HERC4: variants seen among roughly 807,000 people sequenced by gnomAD.
HERC4 encodes probable E3 ubiquitin-protein ligase HERC4.
In HERC4, 28 loss-of-function variants were observed where a neutral mutation model predicts 124.3. The ratio of observed to expected loss-of-function variants is 0.23; its 90% CI spans 0.17 to 0.31. The LOEUF (loss-of-function observed/expected upper bound fraction) is 0.31, where lower values mean the gene tolerates loss of function less well. Among genes scored for constraint, HERC4 ranks in the 10% least tolerant of loss-of-function variants. HERC4 has a pLI of 1.00. For missense variants in HERC4, 713 were observed against 1,229.3 expected, an observed-to-expected ratio of 0.58 and a Z score of 6.28; for synonymous variants, 407 against 421.5, an observed-to-expected ratio of 0.97 and a Z score of 0.42.
intron 8 of HERC4, among the ~76,000 whole-genome samples, chr10:68,021,759 G>A (rs1273544268): frequency 6.6e-6 from 1 of 152,030 alleles, no homozygotes; most frequent in Non-Finnish European, 1.5e-5. Context: ...GGTGAGCCGA[G>A]ATCACGCCAT....
intron 3 of HERC4, among the ~76,000 whole-genome samples, chr10:68,059,148 G>A (rs1419412257): frequency 6.6e-6 from 1 of 151,654 alleles, no homozygotes; most frequent in Non-Finnish European, 1.5e-5. Context: ...AAGTTAATAC[G>A]TATTACTGTG....
At chr10:68,025,100 T>C (rs1293513889) in intron 8 of HERC4, among the ~76,000 whole-genome samples, 1 of 152,122 alleles carries the variant, frequency 6.6e-6, no homozygotes, top group Admixed American at 6.6e-5. Context: ...TGGTAGTGCA[T>C]GCCTGCAGTC....
At chr10:68,011,923 T>C (rs532185016) in intron 9 of HERC4, among the ~76,000 whole-genome samples, 1 of 152,378 alleles carries the variant, frequency 6.6e-6, no homozygotes, top group South Asian at 2.1e-4. Flanking sequence ...TGAAAATCTG[T>C]TGTTTAGTAT....
rs765940116 is a variant in HERC4 at position 67,988,671 on chromosome 10, G to C, written c.1798C>G (p.Leu600Val). The C allele has an allele frequency of 6.4e-7, 1 of 1,564,904 alleles. No homozygotes were observed. The highest frequency in any genetic ancestry group is 8.7e-7 in the Non-Finnish European group (1 of 1,152,194). The change falls in exon 15 of 25, where the codon CTA becomes GTA. Residue 600 changes from leucine to valine, a missense_variant. By Grantham distance (32) the Leu-to-Val change is conservative. Coordinates refer to ENST00000373700, the MANE Select transcript of HERC4 (RefSeq NM_015601.4). ...LHTALKVLEI[L>V]HRVNEKMGQI... ...GGAATGATTGGACATACCCTATGTA[G>C]TATTTCTAAAACCTTTAATGCAGTA...
intron 15 of HERC4, among the ~76,000 whole-genome samples, chr10:67,985,969 G>A (rs1159073873): frequency 3.9e-5 from 6 of 152,198 alleles, no homozygotes; most frequent in Non-Finnish European, 8.8e-5. Flanking sequence ...CCATAGAGCA[G>A]AGGGAAGGAA....
chr10:68,059,093 C>T (rs1342936859), intron 3 of HERC4, among the ~76,000 whole-genome samples: 1 of 151,986 alleles, frequency 6.6e-6, no homozygotes, highest in African/African-American at 2.4e-5. Flanking sequence ...ACTCTCTACA[C>T]CTTGCTCATT....
chr10:68,074,630 G>C (rs749482314), intron 1 of HERC4: 3 of 152,174 alleles, frequency 2.0e-5, no homozygotes, highest in Non-Finnish European at 4.4e-5. Flanking sequence ...GACTGGGAAA[G>C]AGAAATCATC....
chr10:68,036,441 T>G (rs950226954), intron 5 of HERC4, among the ~76,000 whole-genome samples: 2 of 152,104 alleles, frequency 1.3e-5, no homozygotes, highest in African/African-American at 2.4e-5. Context: ...GAGTTTAAAT[T>G]TATGTTAGAT....
At chr10:68,024,344 A>T (rs1406715724) in intron 8 of HERC4, among the ~76,000 whole-genome samples, 1 of 152,228 alleles carries the variant, frequency 6.6e-6, no homozygotes, top group Non-Finnish European at 1.5e-5. Context: ...TGGTAAAACC[A>T]CATGGGAAAT....
chr10:67,999,057 A>T (rs1481251241), intron 9 of HERC4, among the ~76,000 whole-genome samples: 1 of 152,174 alleles, frequency 6.6e-6, no homozygotes, highest in South Asian at 2.1e-4. Context: ...AAAATAAAAT[A>T]AAAAATAAAA....
At chr10:67,942,323 TTCAATAAATG>T (rs2032982865) in intron 19 of HERC4, among the ~76,000 whole-genome samples, 1 of 152,176 alleles carries the variant, frequency 6.6e-6, no homozygotes. Context: ...ACACTAAAGG[TTCAATAAATG>T]TCAGTTATTC....
chr10:68,059,102 T>C (rs931788558), intron 3 of HERC4, among the ~76,000 whole-genome samples: 1 of 152,124 alleles, frequency 6.6e-6, no homozygotes, highest in Non-Finnish European at 1.5e-5. Flanking sequence ...ACCTTGCTCA[T>C]TTTACTTAAT....
intron 3 of HERC4, among the ~76,000 whole-genome samples, chr10:68,045,508 C>T (rs778938386): frequency 1.3e-5 from 2 of 152,210 alleles, no homozygotes; most frequent in South Asian, 4.1e-4. Context: ...TCAAAAGATA[C>T]ATGTAGTTAA....
chr10:67,939,040 T>A (rs973984675), intron 21 of HERC4, among the ~76,000 whole-genome samples: 8 of 152,232 alleles, frequency 5.3e-5, no homozygotes, highest in African/African-American at 1.9e-4. Context: ...TTCCAAATAA[T>A]ATTGCAATGC....
chr10:68,065,890 T>C (rs1012336682), intron 3 of HERC4, among the ~76,000 whole-genome samples: 6 of 152,046 alleles, frequency 3.9e-5, no homozygotes, highest in Admixed American at 2.0e-4. Context: ...GTCTGTATAA[T>C]TACACACAGC....
At position 67,966,692 on chromosome 10, in the gene HERC4, G is replaced by A. The variant is rs764043540; in HGVS notation, c.1917C>T (p.Ala639=). The A allele has an allele frequency of 6.2e-7, 1 of 1,608,256 alleles. No individual in the cohort carries two copies. The highest frequency in any genetic ancestry group is 1.7e-5 in the Admixed American group (1 of 59,260). Residue 639 remains alanine, a synonymous_variant, in exon 16 of 25, where the codon GCC becomes GCT. Coordinates refer to ENST00000373700, the MANE Select transcript of HERC4 (RefSeq NM_015601.4). ...TGCACAGAAAACCTACCATTCCATA[G>A]GCCTGCTGTTGGACCCAGTTGATAT... ...NDYINWVQQQ[A]YGMLADIPVT...
intron 19 of HERC4, among the ~76,000 whole-genome samples, chr10:67,951,263 C>T (rs2033771386): frequency 1.3e-5 from 2 of 152,198 alleles, no homozygotes; most frequent in Admixed American, 6.5e-5. Flanking sequence ...TACACCACTA[C>T]AAACTTCCCT....
intron 9 of HERC4, among the ~76,000 whole-genome samples, chr10:68,013,784 G>C (rs2133126401): frequency 6.6e-6 from 1 of 152,230 alleles, no homozygotes; most frequent in Non-Finnish European, 1.5e-5. Flanking sequence ...CTGGTATGTA[G>C]CCATCTTCTA....
At chr10:68,051,911 C>T (rs1041935107) in intron 3 of HERC4, among the ~76,000 whole-genome samples, 2 of 151,782 alleles carry the variant, frequency 1.3e-5, no homozygotes, top group African/African-American at 2.4e-5. Flanking sequence ...TCAAGCAACA[C>T]GCCCGCCTCA....
Sources: gnomAD v4.1 joint callset for allele counts (sites outside exome capture counted in the v4.1 genomes callset) on GRCh38, gnomAD v4.1.1 for gene constraint, MANE v1.5 for transcripts, NCBI Gene and HGNC (gene_info 2026-07-23, HGNC 2026-07-21) for gene names.